The following NLGN1 variants were observed in gnomAD, a reference collection of about 807,000 sequenced individuals.
The protein encoded by NLGN1 is neuroligin 1.
NLGN1 carries 12 observed loss-of-function variants against 65.5 expected under a neutral mutation model. That is an observed-to-expected ratio of 0.18 (90% CI 0.12 to 0.30). The LOEUF is 0.30. Ranked by LOEUF, NLGN1 falls within the 10% of genes least tolerant of loss-of-function variation. The pLI is 1.00. For synonymous variants in NLGN1, 350 were observed against 359.5 expected (o/e 0.97, Z 0.30); for missense variants, 750 against 1,007.1 (o/e 0.74, Z 3.46).
chr3:174,181,061 AC>A (rs1396844450), intron 4 of NLGN1, among the ~76,000 whole-genome samples: 1 of 152,140 alleles, frequency 6.6e-6, no homozygotes, highest in African/African-American at 2.4e-5. Flanking sequence ...CATGTCAGAG[AC>A]CTGTGTTGCA....
chr3:173,468,123 G>A (rs911378842), intron 2 of NLGN1, among the ~76,000 whole-genome samples: 11 of 152,130 alleles, frequency 7.2e-5, no homozygotes, highest in East Asian at 1.9e-4. Context: ...TTTAAGAGCC[G>A]CGGGCTGTGC....
chr3:174,036,608 A>G (rs1263265179), intron 4 of NLGN1, among the ~76,000 whole-genome samples: 3 of 146,574 alleles, frequency 2.0e-5, no homozygotes, highest in Non-Finnish European at 4.5e-5. Flanking sequence ...TTCAAATTTA[A>G]CATGTATTTT....
chr3:174,222,951 G>C (rs758190792), intron 4 of NLGN1, among the ~76,000 whole-genome samples: 8 of 152,032 alleles, frequency 5.3e-5, no homozygotes, highest in Non-Finnish European at 1.0e-4. Flanking sequence ...ACATTTTAAA[G>C]TGTGCTACTA....
chr3:174,129,331 A>G (rs1031451949), intron 4 of NLGN1, among the ~76,000 whole-genome samples: 5 of 131,868 alleles, frequency 3.8e-5, no homozygotes, highest in African/African-American at 1.1e-4. Context: ...TGCTATATCT[A>G]TCTCCCCCCA....
intron 3 of NLGN1, among the ~76,000 whole-genome samples, chr3:173,721,605 T>C (rs1770846949): frequency 6.6e-6 from 1 of 152,198 alleles, no homozygotes; most frequent in African/African-American, 2.4e-5. Context: ...CACTTTATTT[T>C]ACAACAACCC....
chr3:173,698,384 T>C (rs1766563263), intron 3 of NLGN1, among the ~76,000 whole-genome samples: 1 of 152,216 alleles, frequency 6.6e-6, no homozygotes, highest in Non-Finnish European at 1.5e-5. Context: ...ACCCATTCTT[T>C]CACTGATGAG....
At chr3:174,232,938 A>C (rs1740996832) in intron 4 of NLGN1, among the ~76,000 whole-genome samples, 1 of 152,272 alleles carries the variant, frequency 6.6e-6, no homozygotes. Context: ...CACTTCTGTC[A>C]GGCTGGCCAA....
intron 4 of NLGN1, among the ~76,000 whole-genome samples, chr3:173,911,239 C>A (rs1258834008): frequency 2.0e-5 from 3 of 152,120 alleles, no homozygotes; most frequent in African/African-American, 7.2e-5. Context: ...AGCTAATATT[C>A]TTTTCTCTAG....
At chr3:174,107,620 A>G (rs143003029) in intron 4 of NLGN1, among the ~76,000 whole-genome samples, 2,739 of 152,306 alleles carry the variant, frequency 0.018, 45 homozygotes, top group Non-Finnish European at 0.027. Context: ...TGAGGTGAAT[A>G]TAAATTTTCA....
chr3:173,933,080 A>G (rs1372547730), intron 4 of NLGN1, among the ~76,000 whole-genome samples: 1 of 152,148 alleles, frequency 6.6e-6, no homozygotes, highest in African/African-American at 2.4e-5. Flanking sequence ...AGCTCAGAAA[A>G]CCTTAAGAGA....
At chr3:173,541,859 C>G (rs1363046920) in intron 2 of NLGN1, among the ~76,000 whole-genome samples, 1 of 151,992 alleles carries the variant, frequency 6.6e-6, no homozygotes, top group Non-Finnish European at 1.5e-5. Context: ...CACCTTTGAG[C>G]TTGATGTTAA....
intron 2 of NLGN1, among the ~76,000 whole-genome samples, chr3:173,553,643 A>G (rs759984582): frequency 6.6e-6 from 1 of 152,240 alleles, no homozygotes; most frequent in Non-Finnish European, 1.5e-5. Flanking sequence ...CCAGTCAAGG[A>G]ATAACAAATG....
chr3:173,479,463 C>G (rs181854407), intron 2 of NLGN1, among the ~76,000 whole-genome samples: 2 of 152,292 alleles, frequency 1.3e-5, no homozygotes, highest in East Asian at 3.9e-4. Flanking sequence ...TTATCACAAT[C>G]GTGAAATCTG....
chr3:174,054,752 T>G (rs1356759551), intron 4 of NLGN1, among the ~76,000 whole-genome samples: 1 of 152,050 alleles, frequency 6.6e-6, no homozygotes, highest in Non-Finnish European at 1.5e-5. Flanking sequence ...TACTCTAATG[T>G]TGTAACAGTG....
At chr3:174,124,652 C>T (rs1561101105) in intron 4 of NLGN1, among the ~76,000 whole-genome samples, 1 of 146,008 alleles carries the variant, frequency 6.8e-6, no homozygotes, top group African/African-American at 2.5e-5. Context: ...TAAGTACATA[C>T]TTATATATAT....
intron 4 of NLGN1, among the ~76,000 whole-genome samples, chr3:174,211,227 G>A (rs113619460): frequency 8.4e-4 from 128 of 152,312 alleles, no homozygotes; most frequent in African/African-American, 1.6e-3. Flanking sequence ...GGACCCCAGC[G>A]GGTTGCCAAT....
At chr3:174,073,227 A>G (rs2152537615) in intron 4 of NLGN1, among the ~76,000 whole-genome samples, 1 of 152,262 alleles carries the variant, frequency 6.6e-6, no homozygotes, top group East Asian at 1.9e-4. Flanking sequence ...AAGTCATGCT[A>G]GGGATACAGA....
At chr3:173,784,435 C>T (rs1480095110) in intron 3 of NLGN1, among the ~76,000 whole-genome samples, 3 of 152,114 alleles carry the variant, frequency 2.0e-5, no homozygotes, top group Admixed American at 2.0e-4. Context: ...CACAGGCATG[C>T]TCAACAGGGA....
At chr3:174,052,537 AT>A (rs1560927945) in intron 4 of NLGN1, among the ~76,000 whole-genome samples, 1 of 151,994 alleles carries the variant, frequency 6.6e-6, no homozygotes, top group Non-Finnish European at 1.5e-5. Flanking sequence ...TTACCATAAC[AT>A]TATACTTCAA....
Sources: gnomAD v4.1 joint callset for allele counts (sites outside exome capture counted in the v4.1 genomes callset) on GRCh38, gnomAD v4.1.1 for gene constraint, MANE v1.5 for transcripts, NCBI Gene and HGNC (gene_info 2026-07-23, HGNC 2026-07-21) for gene names.